RALYL: variants seen among roughly 807,000 people sequenced by gnomAD.
RALYL encodes RALY RNA binding protein like.
RALYL carries 29 observed loss-of-function variants against 35.1 expected under a neutral mutation model. The observed-to-expected ratio is 0.83, with a 90% CI of 0.61 to 1.13. The LOEUF (loss-of-function observed/expected upper bound fraction) is 1.13, where lower values mean the gene tolerates loss of function less well. Ranked by LOEUF, RALYL falls within the 50% of genes most tolerant of loss-of-function variation. The pLI is 0.00. For synonymous variants in RALYL, 120 were observed against 127.6 expected (o/e 0.94, Z 0.40); for missense variants, 359 against 360.4 (o/e 1.00, Z 0.03).
At chr8:84,679,905 G>A (rs940992790) in intron 2 of RALYL, 1 of 337,516 alleles carries the variant, frequency 3.0e-6, no homozygotes, top group Non-Finnish European at 5.8e-6. Context: ...CAACGTGCAG[G>A]TTTGTTACAT....
chr8:84,419,642 C>T (rs1315689237), intron 1 of RALYL, among the ~76,000 whole-genome samples: 3 of 150,530 alleles, frequency 2.0e-5, no homozygotes, highest in South Asian at 4.2e-4. Context: ...GTGCACTACA[C>T]CCACTAACTC....
At chr8:84,247,101 A>C (rs1432955925) in intron 1 of RALYL, among the ~76,000 whole-genome samples, 1 of 152,192 alleles carries the variant, frequency 6.6e-6, no homozygotes, top group Non-Finnish European at 1.5e-5. Flanking sequence ...GATTATCCAA[A>C]TCACGATGGT....
intron 1 of RALYL, among the ~76,000 whole-genome samples, chr8:84,417,310 C>T (rs999567995): frequency 6.6e-6 from 1 of 151,994 alleles, no homozygotes; most frequent in Non-Finnish European, 1.5e-5. Flanking sequence ...TGTCCTAAGA[C>T]ACAAGAATCT....
chr8:84,921,416 T>C lies in RALYL; in HGVS notation c.*505T>C, dbSNP rs571509916. On this transcript the variant is annotated 3_prime_UTR_variant, in exon 9 of 9. Transcript: ENST00000521268. The stretch of plus-strand genomic sequence containing the variant: ...CTTCAGATCATAATGATAAAATACT[T>C]GAAAAAGTTATATTTCTGCCCTGTA... 9 of 152,282 alleles carry C rather than the reference T, an allele frequency of 5.9e-5. No homozygotes were observed. The highest frequency in any genetic ancestry group is 1.9e-4 in the African/African-American group (8 of 41,586). The allele number at this position is 152,282 out of a possible 1,614,324, so 9.4% of individuals were successfully genotyped here. A position where few individuals can be genotyped will look rare whatever the true frequency, so the allele number is the denominator to read the frequency against.
rs143324580 is a variant in RALYL, at chr8:84,322,887, C to T, written c.-24+138463C>T. Among the ~76,000 whole-genome samples, 42 of 152,142 alleles carry T rather than the reference C, an allele frequency of 2.8e-4. 1 individual carries two copies. In the East Asian group the frequency reaches 6.8e-3, roughly 25 times the overall value. On this transcript the variant is annotated intron_variant, in intron 1 of 8. Transcript: ENST00000521268. ...TAGGATACTTTCATCAAATATCCCA[C>T]GTTGATCACTTCATATTATTTAAAA...
In RALYL at chr8:84,424,475, C is replaced by T. The variant is rs551089367; in HGVS notation, c.-23-104824C>T. 1.9e-3 allele frequency among the ~76,000 whole-genome samples: 277 copies of T among 145,632 alleles called. 12 individuals carry two copies. The highest frequency in any genetic ancestry group is 7.4e-3 in the African/African-American group (271 of 36,820). Reference sequence around the variant, plus strand: ...TCTAAATTTTTTTCAAAGTTTTCAACTTCTTTGCCTTCGGTTTGAATGTCC... The same window carrying T: ...TCTAAATTTTTTTCAAAGTTTTCAATTTCTTTGCCTTCGGTTTGAATGTCC... On this transcript the variant is annotated intron_variant, in intron 1 of 8. Transcript: ENST00000521268.
At chr8:84,427,034 A>C (rs992805152) in intron 1 of RALYL, among the ~76,000 whole-genome samples, 1 of 152,212 alleles carries the variant, frequency 6.6e-6, no homozygotes, top group Non-Finnish European at 1.5e-5. Context: ...AAAAGCTAGG[A>C]TATGGAAACA....
chr8:84,715,474 C>T (rs1016929462), intron 2 of RALYL, among the ~76,000 whole-genome samples: 4 of 151,878 alleles, frequency 2.6e-5, no homozygotes, highest in African/African-American at 9.7e-5. Flanking sequence ...AATAAATTAA[C>T]TTTAAAAAGC....
chr8:84,498,956 G>C (rs368048619), intron 1 of RALYL, among the ~76,000 whole-genome samples: 1 of 151,908 alleles, frequency 6.6e-6, no homozygotes, highest in Non-Finnish European at 1.5e-5. Flanking sequence ...AGGAAATAAA[G>C]GAAAAAGTGA....
chr8:84,774,542 T>A, intron 2 of RALYL, 37 bp from the exon 3 acceptor site: 1 of 1,361,108 alleles, frequency 7.3e-7, no homozygotes, highest in Non-Finnish European at 1.0e-6. Flanking sequence ...TGGTTTCGTA[T>A]TTTCTTAATC....
intron 1 of RALYL, among the ~76,000 whole-genome samples, chr8:84,460,421 C>T (rs1232858160): frequency 6.6e-6 from 1 of 151,386 alleles, no homozygotes; most frequent in African/African-American, 2.4e-5. Flanking sequence ...GTAAAATGCC[C>T]ATCATAGAGA....
chr8:84,851,685 G>A (rs896037010), intron 5 of RALYL, among the ~76,000 whole-genome samples: 7 of 152,136 alleles, frequency 4.6e-5, no homozygotes, highest in African/African-American at 1.7e-4. Flanking sequence ...AGTTCCACAA[G>A]AATTCCATGT....
chr8:84,299,480 A>T (rs779672591), intron 1 of RALYL, among the ~76,000 whole-genome samples: 1 of 151,966 alleles, frequency 6.6e-6, no homozygotes, highest in Non-Finnish European at 1.5e-5. Context: ...TACTGGCCTC[A>T]TAGAATGAGT....
chr8:84,681,433 C>A (rs1195945123), intron 2 of RALYL, among the ~76,000 whole-genome samples: 1 of 150,074 alleles, frequency 6.7e-6, no homozygotes, highest in East Asian at 1.9e-4. Flanking sequence ...CTATAAATTA[C>A]CTTGGGCAGT....
intron 1 of RALYL, among the ~76,000 whole-genome samples, chr8:84,276,963 C>T (rs189118703): frequency 5.6e-4 from 86 of 152,244 alleles, no homozygotes; most frequent in Non-Finnish European, 1.1e-3. Flanking sequence ...ATAATTTTTT[C>T]CCTAAGAAAA....
intron 1 of RALYL, among the ~76,000 whole-genome samples, chr8:84,216,271 A>T (rs61313870): frequency 7.0e-6 from 1 of 142,528 alleles, no homozygotes; most frequent in African/African-American, 3.1e-5. Flanking sequence ...GAAGGTTAAC[A>T]GAAAAAAATG....
chr8:84,909,546 T>C (rs923398408), intron 8 of RALYL, among the ~76,000 whole-genome samples: 4 of 152,130 alleles, frequency 2.6e-5, no homozygotes, highest in African/African-American at 4.8e-5. Context: ...AGCTTAGGCA[T>C]GATCTAAATT....
At chr8:84,439,686 C>G (rs559611183) in intron 1 of RALYL, among the ~76,000 whole-genome samples, 1 of 151,932 alleles carries the variant, frequency 6.6e-6, no homozygotes, top group Non-Finnish European at 1.5e-5. Context: ...CTCATCATTT[C>G]TATTGATCTA....
At chr8:84,774,376 G>A (rs1816325529) in intron 2 of RALYL, among the ~76,000 whole-genome samples, 1 of 152,164 alleles carries the variant, frequency 6.6e-6, no homozygotes, top group African/African-American at 2.4e-5. Context: ...CACAAGGGCA[G>A]AGATATAATC....
Sources: gnomAD v4.1 joint callset for allele counts (sites outside exome capture counted in the v4.1 genomes callset) on GRCh38, gnomAD v4.1.1 for gene constraint, MANE v1.5 for transcripts, NCBI Gene and HGNC (gene_info 2026-07-23, HGNC 2026-07-21) for gene names.